Variants in HCRTR2 observed in about 807,000 individuals in gnomAD.
The protein encoded by HCRTR2 is orexin receptor type 2.
Under a neutral mutation model 49.0 loss-of-function variants are expected in HCRTR2, and 22 were observed. The ratio of observed to expected loss-of-function variants is 0.45; its 90% CI spans 0.32 to 0.64. The LOEUF is 0.64. Among genes scored for constraint, HCRTR2 ranks in the 30% least tolerant of loss-of-function variants. The pLI is 0.04. For missense variants in HCRTR2, 491 were observed against 559.4 expected, an observed-to-expected ratio of 0.88 and a Z score of 1.23; for synonymous variants, 236 against 205.3, an observed-to-expected ratio of 1.15 and a Z score of -1.28.
intron 1 of HCRTR2, among the ~76,000 whole-genome samples, chr6:55,168,100 A>C (rs934711559): frequency 6.6e-6 from 1 of 152,212 alleles, no homozygotes; most frequent in Non-Finnish European, 1.5e-5. Flanking sequence ...GTGATTGGCC[A>C]ACAGCTAAAT....
chr6:55,132,394 G>T (rs1410267753), intron 1 of HCRTR2, among the ~76,000 whole-genome samples: 1 of 151,808 alleles, frequency 6.6e-6, no homozygotes, highest in East Asian at 1.9e-4. Flanking sequence ...AGATGTCTGG[G>T]CAAAGTGGAA....
chr6:55,276,322 A>G (rs1767075740), intron 4 of HCRTR2, among the ~76,000 whole-genome samples: 1 of 152,232 alleles, frequency 6.6e-6, no homozygotes, highest in Admixed American at 6.5e-5. Flanking sequence ...GTGTGGACAT[A>G]TAAGTAAAAT....
chr6:55,180,965 A>AT (rs11441768), intron 1 of HCRTR2, among the ~76,000 whole-genome samples: 60,480 of 139,216 alleles, frequency 0.43, 13,202 homozygotes, highest in East Asian at 0.57. Context: ...ATGCCCAGCT[A>AT]TTTTTTTTTT....
chr6:55,161,217 C>G (rs1764801044), intron 1 of HCRTR2, among the ~76,000 whole-genome samples: 1 of 152,076 alleles, frequency 6.6e-6, no homozygotes, highest in African/African-American at 2.4e-5. Flanking sequence ...ACTGAACAAC[C>G]TGCTGCTGAA....
intron 1 of HCRTR2, 92 bp from the exon 2 acceptor site, chr6:55,248,547 T>C (rs1766488572): frequency 9.5e-7 from 1 of 1,052,584 alleles, no homozygotes; most frequent in African/African-American, 1.6e-5. Flanking sequence ...TTTAAATACA[T>C]ATTTGTGGAC....
chr6:55,169,163 G>C (rs1308347323), intron 1 of HCRTR2, among the ~76,000 whole-genome samples: 2 of 151,658 alleles, frequency 1.3e-5, no homozygotes, highest in Non-Finnish European at 2.9e-5. Flanking sequence ...ATGACACACT[G>C]AATAAGACAG....
chr6:55,125,066 A>G (rs985656720), intron 1 of HCRTR2, among the ~76,000 whole-genome samples: 3 of 151,846 alleles, frequency 2.0e-5, no homozygotes, highest in Non-Finnish European at 4.4e-5. Context: ...CTCTTTATCC[A>G]ATTTGCCAGC....
intron 3 of HCRTR2, among the ~76,000 whole-genome samples, chr6:55,256,390 T>C (rs1766653514): frequency 6.6e-6 from 1 of 152,086 alleles, no homozygotes; most frequent in South Asian, 2.1e-4. Context: ...TTCTGTTATT[T>C]CCTACCTTGG....
At chr6:55,127,278 C>G (rs999160695) in intron 1 of HCRTR2, among the ~76,000 whole-genome samples, 1 of 152,048 alleles carries the variant, frequency 6.6e-6, no homozygotes, top group African/African-American at 2.4e-5. Flanking sequence ...CTGGAGTGTG[C>G]TTGGTTCCTC....
intron 1 of HCRTR2, among the ~76,000 whole-genome samples, chr6:55,164,069 G>C (rs1364043716): frequency 6.6e-6 from 1 of 152,070 alleles, no homozygotes; most frequent in East Asian, 1.9e-4. Context: ...AAAAACCACA[G>C]TGAGATACCA....
At chr6:55,257,814 A>G (rs1307404072) in intron 3 of HCRTR2, among the ~76,000 whole-genome samples, 1 of 151,920 alleles carries the variant, frequency 6.6e-6, no homozygotes, top group Non-Finnish European at 1.5e-5. Context: ...GTGATTTTAT[A>G]ATAGCCTATA....
chr6:55,192,092 T>A (rs1765325533), intron 1 of HCRTR2, among the ~76,000 whole-genome samples: 1 of 152,168 alleles, frequency 6.6e-6, no homozygotes, highest in Admixed American at 6.5e-5. Context: ...ATATATCTTA[T>A]ATATACATAA....
At chr6:55,261,930 A>G (rs9367628) in intron 3 of HCRTR2, among the ~76,000 whole-genome samples, 45,330 of 152,026 alleles carry the variant, frequency 0.3, 6,945 homozygotes, top group Middle Eastern at 0.34. Flanking sequence ...TATATAGCAT[A>G]GAATACTACT....
In HCRTR2 at chr6:55,270,399, A is replaced by T. The variant is rs560928658; in HGVS notation, c.762+6577A>T. Among the ~76,000 whole-genome samples the T allele has an allele frequency of 1.4e-4, 21 of 152,334 alleles. No individual in the cohort carries two copies. In the South Asian group the frequency reaches 4.3e-3, roughly 32 times the overall value. ...GTTTGGAACTATTTCCATTCAAGCA[A>T]CATATAGTCCATTTCTGTAACATTT... On this transcript the variant is annotated intron_variant, in intron 4 of 6. Transcript: ENST00000370862.
At chr6:55,152,430 T>C (rs2127258504) in intron 1 of HCRTR2, among the ~76,000 whole-genome samples, 1 of 152,162 alleles carries the variant, frequency 6.6e-6, no homozygotes, top group Middle Eastern at 3.4e-3. Context: ...TATTTTTTTG[T>C]TTATTTGTCT....
At chr6:55,128,612 T>G (rs939399968) in intron 1 of HCRTR2, among the ~76,000 whole-genome samples, 4 of 152,218 alleles carry the variant, frequency 2.6e-5, no homozygotes, top group African/African-American at 9.6e-5. Context: ...CAGTGGCTTA[T>G]AGTTCTTGTA....
rs749491739 is a variant in HCRTR2, at chr6:55,263,700, A to G, written c.647-7A>G. 5 of 1,521,640 alleles carry G rather than the reference A, an allele frequency of 3.3e-6. No homozygotes were observed. The highest frequency in any genetic ancestry group is 9.1e-7 in the Non-Finnish European group (1 of 1,097,318). The allele number at this position is 1,521,640 out of a possible 1,614,324, so 94.3% of individuals were successfully genotyped here. On this transcript the variant is annotated splice_polypyrimidine_tract_variant and splice_region_variant and intron_variant, in intron 3 of 6. Transcript: ENST00000370862. ...GTAAGGTTTTGTTGTTTTGACTTTC[A>G]TCCTAGGTGAAATTTATCCCAAGAT... is the stretch of plus-strand genomic sequence containing the variant.
At chr6:55,181,552 T>C (rs1332233633) in intron 1 of HCRTR2, among the ~76,000 whole-genome samples, 1 of 152,216 alleles carries the variant, frequency 6.6e-6, no homozygotes, top group Non-Finnish European at 1.5e-5. Context: ...AATATTTATA[T>C]AGTATTTTAC....
chr6:55,206,493 G>A (rs1239295758), intron 1 of HCRTR2, among the ~76,000 whole-genome samples: 3 of 151,852 alleles, frequency 2.0e-5, no homozygotes. Context: ...ACAGAAACTA[G>A]AATTAATGGA....
Sources: allele counts gnomAD v4.1 joint callset (sites outside exome capture counted in the v4.1 genomes callset), GRCh38; gene constraint gnomAD v4.1.1; transcripts MANE v1.5; gene names NCBI Gene and HGNC (gene_info 2026-07-23, HGNC 2026-07-21).